ERICH3: variants seen among roughly 807,000 people sequenced by gnomAD.
ERICH3 encodes the protein glutamate-rich protein 3.
ERICH3 carries 126 observed loss-of-function variants against 131.1 expected under a neutral mutation model. The observed-to-expected ratio is 0.96, with a 90% CI of 0.83 to 1.11. ERICH3 has a LOEUF of 1.11. Among genes scored for constraint, ERICH3 ranks in the 50% most tolerant of loss-of-function variants. The pLI, the probability that ERICH3 is intolerant of heterozygous loss-of-function variation, is 0.00. For synonymous variants in ERICH3, 695 were observed against 644.6 expected, an observed-to-expected ratio of 1.08 and a Z score of -1.18; for missense variants, 2,050 against 1,810.7, an observed-to-expected ratio of 1.13 and a Z score of -2.40.
chr1:74,617,388 G>A (rs1649018312), intron 8 of ERICH3, among the ~76,000 whole-genome samples: 1 of 152,122 alleles, frequency 6.6e-6, no homozygotes, highest in African/African-American at 2.4e-5. Context: ...AGAGCAACAT[G>A]TATCTACCCA....
chr1:74,648,693 G>A (rs182910055), intron 2 of ERICH3, among the ~76,000 whole-genome samples: 2 of 152,078 alleles, frequency 1.3e-5, no homozygotes, highest in Non-Finnish European at 2.9e-5. Context: ...GTTTCACATT[G>A]TATACATTTA....
intron 13 of ERICH3, among the ~76,000 whole-genome samples, chr1:74,575,192 A>T (rs887251535): frequency 1.3e-5 from 2 of 152,198 alleles, no homozygotes; most frequent in African/African-American, 4.8e-5. Flanking sequence ...TTCTAACACA[A>T]AACACGGTTA....
rs1403918696 is a variant in ERICH3, at chr1:74,572,518, C to T, written c.3192G>A (p.Glu1064=). The T allele has an allele frequency of 3.7e-6, 6 of 1,613,976 alleles. No homozygotes were observed. The highest frequency in any genetic ancestry group is 4.2e-6 in the Non-Finnish European group (5 of 1,180,022). Residue 1064 remains glutamate (E), a synonymous_variant, in exon 14 of 15, where the codon GAG becomes GAA. Transcript: ENST00000326665. ...LDLARERRKA[E]RPKTSLRKTD... ...TTTTCCTCAGAGATGTTTTTGGCCT[C>T]TCAGCTTTCCTTCGCTCTCTTGCTA...
At chr1:74,588,630 T>C (rs1177247459) in intron 12 of ERICH3, among the ~76,000 whole-genome samples, 1 of 152,088 alleles carries the variant, frequency 6.6e-6, no homozygotes, top group African/African-American at 2.4e-5. Context: ...GGCTCCTGCA[T>C]TGACAGGGGA....
chr1:74,592,659 T>C (rs1307021106), intron 11 of ERICH3, among the ~76,000 whole-genome samples: 1 of 152,190 alleles, frequency 6.6e-6, no homozygotes, highest in Admixed American at 6.6e-5. Flanking sequence ...TGAAATATAC[T>C]CTGGTTCAAG....
Position 74,589,797 on chromosome 1 carries a change from T to C in ERICH3, c.2010A>G (p.Lys670=). Residue 670 remains lysine (K), a synonymous_variant, in exon 12 of 15, where the codon AAA becomes AAG. Coordinates refer to ENST00000326665, the MANE Select transcript of ERICH3 (RefSeq NM_001002912.5). ...CTTGGGTTCCTTTCTCCGTTCCTTC[T>C]TTAAGAACATTCTCAAAGCTTTCGT... is the stretch of plus-strand genomic sequence containing the variant. ...PIDESFENVL[K]EGTEKGTQEI... is the part of the protein sequence containing the mutation. 6.2e-7 allele frequency: 1 copy of C among 1,614,152 alleles called. No homozygotes were observed. Among genetic ancestry groups the C allele is most frequent in the Non-Finnish European group, 8.5e-7 (1 of 1,179,984 alleles).
intron 1 of ERICH3, among the ~76,000 whole-genome samples, chr1:74,658,505 T>C (rs756867171): frequency 2.6e-5 from 4 of 151,856 alleles, no homozygotes; most frequent in Non-Finnish European, 5.9e-5. Context: ...AACAAACACC[T>C]AGTAGGTGGG....
chr1:74,639,116 C>A (rs954736723), intron 5 of ERICH3, among the ~76,000 whole-genome samples: 3 of 152,022 alleles, frequency 2.0e-5, no homozygotes, highest in African/African-American at 7.2e-5. Context: ...TTATAACCCA[C>A]AAAGAGAAAT....
chr1:74,627,868 G>A (rs1041524003), intron 7 of ERICH3, among the ~76,000 whole-genome samples: 1 of 152,046 alleles, frequency 6.6e-6, no homozygotes, highest in African/African-American at 2.4e-5. Context: ...ATGCTAGTCT[G>A]TTTTATCATT....
At chr1:74,656,762 G>A (rs1205064720) in intron 1 of ERICH3, among the ~76,000 whole-genome samples, 1 of 152,150 alleles carries the variant, frequency 6.6e-6, no homozygotes, top group Non-Finnish European at 1.5e-5. Flanking sequence ...TAAAAGTAGG[G>A]AGGGTTCATC....
At chr1:74,590,472 G>A (rs537915960) in intron 11 of ERICH3, among the ~76,000 whole-genome samples, 1 of 152,294 alleles carries the variant, frequency 6.6e-6, no homozygotes, top group East Asian at 1.9e-4. Context: ...GAGATAATGC[G>A]AGACAGTGGC....
intron 1 of ERICH3, among the ~76,000 whole-genome samples, chr1:74,653,531 A>T (rs553901728): frequency 6.6e-6 from 1 of 152,272 alleles, no homozygotes; most frequent in South Asian, 2.1e-4. Context: ...CAGGCACTGA[A>T]TCCTGAGCTG....
intron 7 of ERICH3, chr1:74,625,210 A>C (rs1649372839): frequency 6.6e-6 from 1 of 152,004 alleles, no homozygotes; most frequent in Admixed American, 6.6e-5. Context: ...ACCATACCTG[A>C]ATAATTTTTA....
At chr1:74,635,470 G>A (rs1361680500) in intron 6 of ERICH3, among the ~76,000 whole-genome samples, 1 of 152,078 alleles carries the variant, frequency 6.6e-6, no homozygotes. Context: ...AAGGTTATCT[G>A]TCAATTAAAA....
At chr1:74,653,897 A>T (rs1289194948) in intron 1 of ERICH3, among the ~76,000 whole-genome samples, 1 of 152,134 alleles carries the variant, frequency 6.6e-6, no homozygotes, top group Non-Finnish European at 1.5e-5. Context: ...CTTCAGTTCA[A>T]TTCTGGCTCC....
chr1:74,609,307 T>C (rs932656049), intron 9 of ERICH3, among the ~76,000 whole-genome samples: 1 of 152,084 alleles, frequency 6.6e-6, no homozygotes, highest in African/African-American at 2.4e-5. Flanking sequence ...TAATTCTCTG[T>C]TGTTTTATTG....
At position 74,641,920 on chromosome 1, in the gene ERICH3, C is replaced by A. The variant is rs561825242; in HGVS notation, c.316-461G>T. Among the ~76,000 whole-genome samples the A allele has an allele frequency of 2.0e-5, 3 of 152,196 alleles. No individual in the cohort carries two copies. In the East Asian group the frequency reaches 5.8e-4, roughly 29 times the overall value. On this transcript the variant is annotated intron_variant, in intron 4 of 14. Transcript: ENST00000326665. ...ATCATATGAAGAGGCACAAGGGTAG[C>A]AAATCTCTGACAATGCTACAATATG...
At chr1:74,623,016 C>A (rs61292034) in intron 7 of ERICH3, 357 of 152,276 alleles carry the variant, frequency 2.3e-3, no homozygotes, top group African/African-American at 8.1e-3. Context: ...ACAGTAGTTT[C>A]TTTCAATTGA....
At chr1:74,638,676 T>C (rs2100631590) in intron 5 of ERICH3, among the ~76,000 whole-genome samples, 1 of 152,346 alleles carries the variant, frequency 6.6e-6, no homozygotes, top group African/African-American at 2.4e-5. Flanking sequence ...TAATTCTGTG[T>C]AGATGTATGT....
Sources: allele counts gnomAD v4.1 joint callset (sites outside exome capture counted in the v4.1 genomes callset), GRCh38; gene constraint gnomAD v4.1.1; transcripts MANE v1.5; gene names NCBI Gene and HGNC (gene_info 2026-07-23, HGNC 2026-07-21).